PXDNL: variants seen among roughly 807,000 people sequenced by gnomAD.
PXDNL encodes the protein probable oxidoreductase PXDNL.
A neutral mutation model predicts 150.8 loss-of-function variants in PXDNL; 145 were observed. The observed-to-expected ratio is 0.96, with a 90% CI of 0.84 to 1.10. PXDNL has a LOEUF of 1.10. Ranked by LOEUF, PXDNL falls within the 50% of genes least tolerant of loss-of-function variation. The pLI, the probability that PXDNL is intolerant of heterozygous loss-of-function variation, is 0.00. For synonymous variants in PXDNL, 757 were observed against 725.7 expected (o/e 1.04, Z -0.69); for missense variants, 2,087 against 1,873.9 (o/e 1.11, Z -2.10).
At chr8:51,453,415 TA>T in intron 10 of PXDNL, 103 bp downstream of exon 10, 3 of 1,193,284 alleles carry the variant, frequency 2.5e-6, no homozygotes, top group South Asian at 1.5e-5. Flanking sequence ...AATTGGCAAA[TA>T]AAAATATTTC....
intron 4 of PXDNL, among the ~76,000 whole-genome samples, chr8:51,533,635 C>T (rs543841843): frequency 1.3e-5 from 2 of 150,552 alleles, no homozygotes; most frequent in African/African-American, 2.5e-5. Context: ...CTGCGGACGC[C>T]GCCACGCCTG....
At chr8:51,758,820 G>A (rs111861164) in intron 1 of PXDNL, among the ~76,000 whole-genome samples, 24 of 152,264 alleles carry the variant, frequency 1.6e-4, no homozygotes, top group African/African-American at 5.3e-4. Context: ...CTCTACAGAA[G>A]TGTAAAAATG....
chr8:51,728,592 A>G (rs1816862520), intron 1 of PXDNL, among the ~76,000 whole-genome samples: 1 of 152,166 alleles, frequency 6.6e-6, no homozygotes, highest in African/African-American at 2.4e-5. Context: ...AAATGAAAAA[A>G]AAATTTAAAA....
chr8:51,443,121 T>A (rs932366223), intron 12 of PXDNL, among the ~76,000 whole-genome samples: 3 of 152,190 alleles, frequency 2.0e-5, no homozygotes, highest in African/African-American at 7.2e-5. Context: ...TGTAACATTC[T>A]GTTTAGATTT....
chr8:51,540,651 T>C (rs779509387), intron 4 of PXDNL, among the ~76,000 whole-genome samples: 2 of 152,188 alleles, frequency 1.3e-5, no homozygotes, highest in African/African-American at 2.4e-5. Flanking sequence ...TCTCGGGGAA[T>C]GATACTTATG....
chr8:51,368,181 C>T (rs1370586488), intron 19 of PXDNL, among the ~76,000 whole-genome samples: 3 of 152,050 alleles, frequency 2.0e-5, no homozygotes, highest in Non-Finnish European at 4.4e-5. Flanking sequence ...AATTCTTCAT[C>T]AAACATAATA....
At chr8:51,320,375 G>A (rs986443182) in intron 22 of PXDNL, among the ~76,000 whole-genome samples, 1 of 152,188 alleles carries the variant, frequency 6.6e-6, no homozygotes, top group Non-Finnish European at 1.5e-5. Context: ...TGTTTTGGTA[G>A]ACACCATGAT....
chr8:51,687,092 T>C (rs1305424032), intron 1 of PXDNL, among the ~76,000 whole-genome samples: 1 of 152,158 alleles, frequency 6.6e-6, no homozygotes, highest in South Asian at 2.1e-4. Flanking sequence ...AGATGTGATA[T>C]GACATGGTAA....
intron 12 of PXDNL, among the ~76,000 whole-genome samples, chr8:51,429,687 C>CTTTTTT (rs5891411): frequency 8.8e-5 from 11 of 125,368 alleles, no homozygotes; most frequent in Admixed American, 2.4e-4. Flanking sequence ...TTTTTCCTTT[C>CTTTTTT]TTTTTTTTTT....
chr8:51,608,707 G>C (rs549262095), intron 2 of PXDNL, among the ~76,000 whole-genome samples: 2 of 150,998 alleles, frequency 1.3e-5, no homozygotes, highest in Non-Finnish European at 2.9e-5. Context: ...CGTGGTGGTG[G>C]GTGCCTGTAG....
intron 17 of PXDNL, among the ~76,000 whole-genome samples, chr8:51,386,256 C>T (rs1167252672): frequency 6.6e-6 from 1 of 152,068 alleles, no homozygotes; most frequent in African/African-American, 2.4e-5. Flanking sequence ...CCATGCCCGG[C>T]TAATTTTTGT....
intron 4 of PXDNL, among the ~76,000 whole-genome samples, chr8:51,513,369 AC>A (rs1198122222): frequency 6.6e-6 from 1 of 152,304 alleles, no homozygotes; most frequent in East Asian, 1.9e-4. Flanking sequence ...CTTCAGGGCC[AC>A]CCCGAGCATG....
intron 8 of PXDNL, among the ~76,000 whole-genome samples, chr8:51,463,582 T>A (rs1306969333): frequency 2.6e-5 from 4 of 152,098 alleles, no homozygotes; most frequent in Non-Finnish European, 5.9e-5. Flanking sequence ...GGCAAAGAAA[T>A]TCTGAATTAA....
At chr8:51,384,067 T>C (rs750784170) in intron 17 of PXDNL, among the ~76,000 whole-genome samples, 1 of 152,192 alleles carries the variant, frequency 6.6e-6, no homozygotes, top group Non-Finnish European at 1.5e-5. Context: ...TAAAGTGTCC[T>C]TGTGGAAAAG....
chr8:51,739,717 A>C (rs938402274), intron 1 of PXDNL, among the ~76,000 whole-genome samples: 7 of 152,078 alleles, frequency 4.6e-5, no homozygotes, highest in Non-Finnish European at 8.8e-5. Flanking sequence ...TACTAAAAAA[A>C]AATAAAAAAT....
intron 19 of PXDNL, among the ~76,000 whole-genome samples, chr8:51,362,472 A>G (rs888667540): frequency 6.6e-6 from 1 of 152,262 alleles, no homozygotes; most frequent in South Asian, 2.1e-4. Flanking sequence ...ATATCTGCCT[A>G]TGTACATTAG....
chr8:51,546,970 A>G (rs2130504986), intron 4 of PXDNL, among the ~76,000 whole-genome samples: 1 of 152,232 alleles, frequency 6.6e-6, no homozygotes, highest in East Asian at 1.9e-4. Context: ...CCACCCGCTC[A>G]ATCCCTCACA....
intron 1 of PXDNL, among the ~76,000 whole-genome samples, chr8:51,703,539 T>C (rs2130885772): frequency 6.6e-6 from 1 of 152,330 alleles, no homozygotes; most frequent in Non-Finnish European, 1.5e-5. Flanking sequence ...TGCAAACTAT[T>C]AATGTCAACT....
intron 1 of PXDNL, among the ~76,000 whole-genome samples, chr8:51,770,891 C>T (rs2037286176): frequency 6.6e-6 from 1 of 152,168 alleles, no homozygotes; most frequent in African/African-American, 2.4e-5. Flanking sequence ...AAGACATAAA[C>T]ATCTCTCCAA....
Sources: gnomAD v4.1 joint callset for allele counts (sites outside exome capture counted in the v4.1 genomes callset) on GRCh38, gnomAD v4.1.1 for gene constraint, MANE v1.5 for transcripts, NCBI Gene and HGNC (gene_info 2026-07-23, HGNC 2026-07-21) for gene names.